The following TRPC7 variants were observed in gnomAD, a reference collection of about 807,000 sequenced individuals.
TRPC7 encodes the protein transient receptor potential cation channel subfamily C member 7.
In TRPC7, 42 loss-of-function variants were observed where a neutral mutation model predicts 90.1. The ratio of observed to expected loss-of-function variants is 0.47; its 90% CI spans 0.36 to 0.60. The LOEUF (loss-of-function observed/expected upper bound fraction) is 0.60. TRPC7 is among the 20% of genes least tolerant of loss of function. TRPC7 has a pLI of 0.00. For synonymous variants in TRPC7, 451 were observed against 436.3 expected (o/e 1.03, Z -0.42); for missense variants, 955 against 1,112.3 (o/e 0.86, Z 2.01).
rs143558551 is a variant in TRPC7, at chr5:136,364,196, G to A, written c.2+1057C>T. 5.9e-3 allele frequency among the ~76,000 whole-genome samples: 901 copies of A among 152,278 alleles called. 8 individuals are homozygous for A. Among genetic ancestry groups the A allele is most frequent in the African/African-American group, 0.02 (851 of 41,550 alleles). Reference sequence around the variant, plus strand: ...AGATACCGCATGCATTCTGCAATTAGCCTCAATGAGGCTCCACATAGTTCT... The same window carrying A: ...AGATACCGCATGCATTCTGCAATTAACCTCAATGAGGCTCCACATAGTTCT... On this transcript the variant is annotated intron_variant, in intron 1 of 11. Coordinates refer to ENST00000513104, the MANE Select transcript of TRPC7 (RefSeq NM_020389.3).
intron 1 of TRPC7, among the ~76,000 whole-genome samples, chr5:136,364,129 G>C (rs963608631): frequency 2.0e-5 from 3 of 152,162 alleles, no homozygotes; most frequent in Non-Finnish European, 2.9e-5. Context: ...GGGAAATGTT[G>C]ATTGCCTTTA....
chr5:136,337,574 G>A (rs1018304923), intron 2 of TRPC7, among the ~76,000 whole-genome samples: 25 of 151,886 alleles, frequency 1.6e-4, no homozygotes, highest in African/African-American at 6.0e-4. Context: ...GCTGAGGCAG[G>A]AGAATCACTT....
chr5:136,307,215 G>A (rs1758667557), intron 3 of TRPC7, among the ~76,000 whole-genome samples: 1 of 151,806 alleles, frequency 6.6e-6, no homozygotes, highest in Non-Finnish European at 1.5e-5. Flanking sequence ...TTACCATGTT[G>A]TGCAATAAAT....
intron 3 of TRPC7, among the ~76,000 whole-genome samples, chr5:136,293,004 A>C (rs1279755126): frequency 6.6e-6 from 1 of 152,240 alleles, no homozygotes; most frequent in African/African-American, 2.4e-5. Context: ...GAAAATCAAT[A>C]AATGTAATCC....
Position 136,248,249 on chromosome 5 carries a change from T to A in TRPC7, c.1580-514A>T, listed in dbSNP as rs564388554. On this transcript the variant is annotated intron_variant, in intron 6 of 11. Transcript: ENST00000513104. ...CATCCCTGAGGCTGAATGTGGCCCATCCACCTACTGGCCACATGACTCTGA... is the reference window on the plus strand; with the variant it reads ...CATCCCTGAGGCTGAATGTGGCCCAACCACCTACTGGCCACATGACTCTGA... 5.3e-5 allele frequency among the ~76,000 whole-genome samples: 8 copies of A among 152,318 alleles called. No individual in the cohort carries two copies. The East Asian group carries it at 1.5e-3, about 29-fold the overall frequency.
chr5:136,219,730 C>A (rs1755390745), intron 10 of TRPC7, among the ~76,000 whole-genome samples: 1 of 152,218 alleles, frequency 6.6e-6, no homozygotes, highest in Non-Finnish European at 1.5e-5. Context: ...GGTGCCACTG[C>A]ACTGCAGCCT....
chr5:136,282,332 C>T (rs999430743), intron 3 of TRPC7, among the ~76,000 whole-genome samples: 10 of 152,146 alleles, frequency 6.6e-5, no homozygotes, highest in East Asian at 1.9e-4. Flanking sequence ...TTACTTAGAA[C>T]GATCCCTTTA....
rs75762212 is a variant in TRPC7 at position 136,233,345 on chromosome 5, G to C, written c.1845-1796C>G. On this transcript the variant is annotated intron_variant, in intron 7 of 11. Coordinates refer to ENST00000513104, the MANE Select transcript of TRPC7 (RefSeq NM_020389.3). ...CCAGCTCCTGGTGCTATTCTGGAAGGGGGGAGAACTGTTTTCCTCATGTGA... is the reference window on the plus strand; with the variant it reads ...CCAGCTCCTGGTGCTATTCTGGAAGCGGGGAGAACTGTTTTCCTCATGTGA... Among the ~76,000 whole-genome samples the C allele has an allele frequency of 1.7e-3, 266 of 152,312 alleles. 2 individuals carry two copies. Among genetic ancestry groups the C allele is most frequent in the East Asian group, 9.6e-3 (50 of 5,188 alleles).
chr5:136,231,052 T>C (rs1306056649), intron 8 of TRPC7, among the ~76,000 whole-genome samples: 1 of 152,192 alleles, frequency 6.6e-6, no homozygotes, highest in Non-Finnish European at 1.5e-5. Flanking sequence ...AAAGTCATTC[T>C]GATTGATTGC....
intron 7 of TRPC7, among the ~76,000 whole-genome samples, chr5:136,240,879 A>T (rs756509350): frequency 3.9e-5 from 6 of 151,940 alleles, no homozygotes; most frequent in South Asian, 2.1e-4. Flanking sequence ...TTTGATATTT[A>T]TTATTATTAT....
At chr5:136,361,961 C>T (rs1048942526) in intron 1 of TRPC7, among the ~76,000 whole-genome samples, 1 of 152,076 alleles carries the variant, frequency 6.6e-6, no homozygotes, top group Non-Finnish European at 1.5e-5. Flanking sequence ...TACCAAATGC[C>T]CTGGATACCA....
intron 6 of TRPC7, among the ~76,000 whole-genome samples, chr5:136,251,176 T>C (rs1367577682): frequency 2.0e-5 from 3 of 152,218 alleles, no homozygotes; most frequent in Non-Finnish European, 2.9e-5. Flanking sequence ...ATTAAGGTAA[T>C]TAAGGTATCT....
At chr5:136,289,706 C>T (rs561994147) in intron 3 of TRPC7, among the ~76,000 whole-genome samples, 2 of 152,372 alleles carry the variant, frequency 1.3e-5, no homozygotes, top group South Asian at 2.1e-4. Context: ...CTGTAGGCTC[C>T]ACCTCTAGGG....
intron 3 of TRPC7, among the ~76,000 whole-genome samples, chr5:136,280,086 G>C (rs1483702625): frequency 1.3e-5 from 2 of 152,158 alleles, no homozygotes; most frequent in Non-Finnish European, 1.5e-5. Context: ...CTTGAACCTG[G>C]GAAGCAGAGG....
rs191171936 is a variant in TRPC7, at chr5:136,214,064, A to G, written c.2420-460T>C. 2.6e-4 allele frequency: 42 copies of G among 159,892 alleles called. 1 individual carries two copies. The East Asian group carries it at 6.0e-3, about 23-fold the overall frequency. 9.9% of individuals were successfully genotyped at this position (159,892 alleles called of 1,614,324 possible). On this transcript the variant is annotated intron_variant, in intron 11 of 11. Transcript: ENST00000513104. ...AGAAACTCCCAGGAGCCTGGAGAGA[A>G]TGGCTCGGCACAGCAGATGCAGCCG... is the stretch of plus-strand genomic sequence containing the variant.
chr5:136,242,598 A>G (rs2149801904), intron 7 of TRPC7, among the ~76,000 whole-genome samples: 1 of 152,322 alleles, frequency 6.6e-6, no homozygotes, highest in East Asian at 1.9e-4. Context: ...TACTAATAAG[A>G]TATTCACTTA....
chr5:136,265,693 C>T (rs545389999), intron 5 of TRPC7, among the ~76,000 whole-genome samples: 1 of 152,218 alleles, frequency 6.6e-6, no homozygotes, highest in East Asian at 1.9e-4. Context: ...GCATGAAATA[C>T]CACTACAAGA....
At chr5:136,290,127 CA>C (rs1757885455) in intron 3 of TRPC7, among the ~76,000 whole-genome samples, 1 of 152,164 alleles carries the variant, frequency 6.6e-6, no homozygotes, top group African/African-American at 2.4e-5. Context: ...ACATCCACAC[CA>C]AAAACCCACC....
chr5:136,302,241 A>G (rs914531982), intron 3 of TRPC7, among the ~76,000 whole-genome samples: 39 of 152,220 alleles, frequency 2.6e-4, no homozygotes, highest in African/African-American at 8.7e-4. Context: ...CAAAGGTGTC[A>G]GACCACGCAG....
Sources: gnomAD v4.1 joint callset for allele counts (sites outside exome capture counted in the v4.1 genomes callset) on GRCh38, gnomAD v4.1.1 for gene constraint, MANE v1.5 for transcripts, NCBI Gene and HGNC (gene_info 2026-07-23, HGNC 2026-07-21) for gene names.